Variants in GAS7 observed in about 807,000 individuals in gnomAD.
GAS7 encodes the protein growth arrest-specific protein 7.
GAS7 carries 28 observed loss-of-function variants against 71.1 expected under a neutral mutation model. The observed-to-expected ratio is 0.39, with a 90% CI of 0.29 to 0.54. GAS7 has a LOEUF of 0.54. Among genes scored for constraint, GAS7 ranks in the 20% least tolerant of loss-of-function variants. GAS7 has a pLI of 0.62. For missense variants in GAS7, 436 were observed against 627.8 expected, an observed-to-expected ratio of 0.69 and a Z score of 3.27; for synonymous variants, 258 against 245.8, an observed-to-expected ratio of 1.05 and a Z score of -0.46.
chr17:10,075,325 A>T (rs533422529), intron 1 of GAS7, among the ~76,000 whole-genome samples: 1 of 152,004 alleles, frequency 6.6e-6, no homozygotes, highest in African/African-American at 2.4e-5. Context: ...ACTGTACTCC[A>T]GCCTGGGTGA....
chr17:9,983,620 C>T (rs1420074074), intron 2 of GAS7, among the ~76,000 whole-genome samples: 1 of 151,846 alleles, frequency 6.6e-6, no homozygotes, highest in Non-Finnish European at 1.5e-5. Flanking sequence ...AACCCGATCT[C>T]CACTAAAAAT....
intron 3 of GAS7, among the ~76,000 whole-genome samples, chr17:9,972,919 T>C (rs371995814): frequency 3.2e-4 from 49 of 152,298 alleles, no homozygotes; most frequent in African/African-American, 1.1e-3. Flanking sequence ...GTCTGAAGTA[T>C]ACCTGGAGGA....
chr17:10,007,492 T>C (rs1174479849), intron 2 of GAS7, among the ~76,000 whole-genome samples: 2 of 151,546 alleles, frequency 1.3e-5, no homozygotes, highest in Admixed American at 6.6e-5. Flanking sequence ...GGCGTGGTGG[T>C]GGGCACCTGT....
At chr17:10,006,313 A>ATTTTT (rs2071526190) in intron 2 of GAS7, among the ~76,000 whole-genome samples, 1 of 94,334 alleles carries the variant, frequency 1.1e-5, no homozygotes, top group Non-Finnish European at 2.3e-5. Flanking sequence ...CAAGCCCCAG[A>ATTTTT]TTCTTTTTTT....
intron 1 of GAS7, among the ~76,000 whole-genome samples, chr17:10,119,948 CAGG>C (rs1027781836): frequency 1.2e-4 from 18 of 152,174 alleles, no homozygotes; most frequent in African/African-American, 4.1e-4. Flanking sequence ...CCAGGCACAC[CAGG>C]AGGCCAAACC....
intron 1 of GAS7, among the ~76,000 whole-genome samples, chr17:10,116,214 G>A (rs1476678697): frequency 6.6e-6 from 1 of 152,058 alleles, no homozygotes; most frequent in Non-Finnish European, 1.5e-5. Context: ...AGGAGGCTGA[G>A]GCAGGAGAAG....
At position 9,985,121 on chromosome 17, in the gene GAS7, C is replaced by T. The variant is rs77534081; in HGVS notation, c.305-3237G>A. Among the ~76,000 whole-genome samples, 839 of 152,296 alleles carry T rather than the reference C, an allele frequency of 5.5e-3. 3 individuals are homozygous for T. Among genetic ancestry groups the T allele is most frequent in the Non-Finnish European group, 9.4e-3 (636 of 68,016 alleles). On this transcript the variant is annotated intron_variant, in intron 2 of 13. Coordinates refer to ENST00000432992, the MANE Select transcript of GAS7 (RefSeq NM_201433.2). ...CTCATATCTAATTGGTTCCCAGGGC[C>T]TGGAGATGCCCCTCCATCACGTTCC... is the stretch of plus-strand genomic sequence containing the variant.
chr17:10,171,838 C>T (rs1333094612), intron 1 of GAS7, among the ~76,000 whole-genome samples: 2 of 152,136 alleles, frequency 1.3e-5, no homozygotes, highest in East Asian at 3.9e-4. Context: ...CATGAGAAAT[C>T]CTGCATGAAA....
At position 10,160,672 on chromosome 17, in the gene GAS7, A is replaced by G. The variant is rs1020007388; in HGVS notation, c.183+37536T>C. On this transcript the variant is annotated intron_variant, in intron 1 of 13. Transcript: ENST00000432992. ...GTGCGCAATATGACATTTTCCTCTA[A>G]CTATAATATAGAAAGTTAAGGAAGT... Among the ~76,000 whole-genome samples, 27 of 152,242 alleles carry G rather than the reference A, an allele frequency of 1.8e-4. 1 individual carries two copies. The Middle Eastern group carries it at 0.014, about 77-fold the overall frequency.
At chr17:10,100,805 C>A (rs1409124320) in intron 1 of GAS7, among the ~76,000 whole-genome samples, 1 of 152,050 alleles carries the variant, frequency 6.6e-6, no homozygotes, top group African/African-American at 2.4e-5. Context: ...CTTCATAATT[C>A]CAAAGCGGGA....
At position 10,052,444 on chromosome 17, in the gene GAS7, G is replaced by C. The variant is rs552889027; in HGVS notation, c.184-32547C>G. On this transcript the variant is annotated intron_variant, in intron 1 of 13. Transcript: ENST00000432992. ...GAAACAGGTCTAAGAGGGTGGGTAGGAAACTACCAAGAGAAGCATCTCCAC... is the reference window on the plus strand; with the variant it reads ...GAAACAGGTCTAAGAGGGTGGGTAGCAAACTACCAAGAGAAGCATCTCCAC... Among the ~76,000 whole-genome samples the C allele has an allele frequency of 2.6e-5, 4 of 152,292 alleles. No individual in the cohort carries two copies. In the South Asian group the frequency reaches 8.3e-4, roughly 32 times the overall value.
Position 10,103,455 on chromosome 17 carries a change from G to GT in GAS7, c.184-83559dup, listed in dbSNP as rs1392897841. 2.6e-5 allele frequency among the ~76,000 whole-genome samples: 4 copies of GT among 152,116 alleles called. No homozygotes were observed. The highest frequency in any genetic ancestry group is 5.9e-5 in the Non-Finnish European group (4 of 68,020). On this transcript the variant is annotated intron_variant, in intron 1 of 13. Coordinates refer to ENST00000432992, the MANE Select transcript of GAS7 (RefSeq NM_201433.2). The surrounding 1 kb of genome is among the most constrained non-coding windows in gnomAD (Gnocchi z 5.5). ...CCTACTCTAGCTGCCCAGTGAGACT[G>GT]TTTTCCATTTTCCAAAACAACGATT... is the stretch of plus-strand genomic sequence containing the variant.
chr17:10,144,337 C>A (rs562474217), intron 1 of GAS7, among the ~76,000 whole-genome samples: 2 of 152,096 alleles, frequency 1.3e-5, no homozygotes, highest in Non-Finnish European at 2.9e-5. Flanking sequence ...TAGGCAGTGT[C>A]GGGCCCGTGA....
chr17:10,057,335 A>G (rs1007110445), intron 1 of GAS7, among the ~76,000 whole-genome samples: 2 of 148,354 alleles, frequency 1.3e-5, no homozygotes, highest in Non-Finnish European at 3.0e-5. Context: ...CTGCCATCCC[A>G]TCTAGGAAGT....
In GAS7 at chr17:9,961,246, T is replaced by C. The variant is rs567071384; in HGVS notation, c.472-1991A>G. ...TAGACATTTTTAGTGCATCATCTCA[T>C]CCAGCTGGCCCACCCTATACCTTCC... On this transcript the variant is annotated intron_variant, in intron 4 of 13. Coordinates refer to ENST00000432992, the MANE Select transcript of GAS7 (RefSeq NM_201433.2). 2.0e-5 allele frequency among the ~76,000 whole-genome samples: 3 copies of C among 152,266 alleles called. No homozygotes were observed. The South Asian group carries it at 6.2e-4, about 32-fold the overall frequency.
intron 2 of GAS7, among the ~76,000 whole-genome samples, chr17:9,985,815 TCAGAGCTCCCCACGGCG>T (rs1334361786): frequency 1.3e-5 from 2 of 152,158 alleles, no homozygotes; most frequent in Non-Finnish European, 2.9e-5. Context: ...CCCTCCCAGC[TCAGAGCTCCCCACGGCG>T]CTGCCGAGGC....
At chr17:10,082,963 G>T (rs574483692) in intron 1 of GAS7, among the ~76,000 whole-genome samples, 1 of 152,290 alleles carries the variant, frequency 6.6e-6, no homozygotes, top group Middle Eastern at 3.4e-3. Context: ...ATCAGATTCA[G>T]AAGTGACCTG....
At chr17:10,173,055 T>C (rs947086893) in intron 1 of GAS7, among the ~76,000 whole-genome samples, 11 of 152,206 alleles carry the variant, frequency 7.2e-5, no homozygotes, top group Non-Finnish European at 1.2e-4. Flanking sequence ...GAAGACATCA[T>C]GTCAACGGAA....
chr17:9,993,130 T>C (rs1264425514), intron 2 of GAS7, among the ~76,000 whole-genome samples: 2 of 151,806 alleles, frequency 1.3e-5, no homozygotes, highest in Non-Finnish European at 2.9e-5. Flanking sequence ...AGTAATGGGA[T>C]GGCTGGGTCA....
Sources: allele counts gnomAD v4.1 joint callset (sites outside exome capture counted in the v4.1 genomes callset), GRCh38; gene constraint gnomAD v4.1.1; non-coding constraint Gnocchi (gnomAD v3.1); transcripts MANE v1.5; gene names NCBI Gene and HGNC (gene_info 2026-07-23, HGNC 2026-07-21).